SLC17A8: variants seen among roughly 807,000 people sequenced by gnomAD.
SLC17A8 encodes vesicular glutamate transporter 3.
A neutral mutation model predicts 58.0 loss-of-function variants in SLC17A8; 31 were observed. The ratio of observed to expected loss-of-function variants is 0.53; its 90% CI spans 0.40 to 0.72. The LOEUF (loss-of-function observed/expected upper bound fraction) is 0.72. Among genes scored for constraint, SLC17A8 ranks in the 30% least tolerant of loss-of-function variants. The pLI is 0.00. For synonymous variants in SLC17A8, 228 were observed against 249.0 expected (o/e 0.92, Z 0.79); for missense variants, 655 against 727.8 (o/e 0.90, Z 1.15).
intron 4 of SLC17A8, among the ~76,000 whole-genome samples, chr12:100,395,975 G>C (rs117389039): frequency 6.6e-6 from 1 of 152,208 alleles, no homozygotes; most frequent in African/African-American, 2.4e-5. Context: ...CTGGCAGATC[G>C]GTGACTTGGG....
chr12:100,373,653 C>T (rs745764477), intron 1 of SLC17A8, among the ~76,000 whole-genome samples: 7 of 147,324 alleles, frequency 4.8e-5, no homozygotes, highest in East Asian at 2.0e-4. Context: ...GGCACCATCT[C>T]GGCTCACTGC....
chr12:100,371,867 T>G (rs1477496669), intron 1 of SLC17A8, among the ~76,000 whole-genome samples: 2 of 152,158 alleles, frequency 1.3e-5, no homozygotes, highest in Admixed American at 6.5e-5. Context: ...TTTTAAATAT[T>G]CTGAGTGTCT....
chr12:100,364,654 C>T (rs1234854038), intron 1 of SLC17A8, among the ~76,000 whole-genome samples: 1 of 152,222 alleles, frequency 6.6e-6, no homozygotes, highest in Non-Finnish European at 1.5e-5. Context: ...AGAGCTCATA[C>T]TAGGCATCCA....
At chr12:100,402,796 T>A in intron 8 of SLC17A8, 51 bp downstream of exon 8, 2 of 1,531,972 alleles carry the variant, frequency 1.3e-6, no homozygotes, top group Non-Finnish European at 1.8e-6. Context: ...CTCTTGATTC[T>A]ACAGAGAATA....
At chr12:100,390,925 G>T in intron 2 of SLC17A8, 76 bp from the exon 3 acceptor site, 1 of 926,544 alleles carries the variant, frequency 1.1e-6, no homozygotes, top group Non-Finnish European at 1.8e-6. Context: ...GGTAATTATT[G>T]TGTAGGCTCA....
chr12:100,362,196 T>G (rs1389032148), intron 1 of SLC17A8, among the ~76,000 whole-genome samples: 1 of 151,874 alleles, frequency 6.6e-6, no homozygotes, highest in African/African-American at 2.4e-5. Context: ...CAGTGGGAAG[T>G]TCTCCAGGGT....
At chr12:100,359,896 T>C (rs1176307924) in intron 1 of SLC17A8, among the ~76,000 whole-genome samples, 1 of 152,242 alleles carries the variant, frequency 6.6e-6, no homozygotes, top group East Asian at 1.9e-4. Context: ...TTCTGTTTTG[T>C]AGGAGCTTTT....
Position 100,390,550 on chromosome 12 carries a change from G to A in SLC17A8, c.355-451G>A, listed in dbSNP as rs1364415506. On this transcript the variant is annotated intron_variant, in intron 2 of 11. Transcript: ENST00000323346. ...TTTTTAGTAGAGATGGGGTTTCACC[G>A]TGTTAGCCAGGATGGTCTGGATCTC... Among the ~76,000 whole-genome samples, 4 of 151,708 alleles carry A rather than the reference G, an allele frequency of 2.6e-5. No homozygotes were observed. The East Asian group carries it at 5.9e-4, about 22-fold the overall frequency.
At position 100,401,850 on chromosome 12, in the gene SLC17A8, CTT is replaced by C; in HGVS notation, c.753_754del (p.Phe251LeufsTer20). 6.2e-7 allele frequency: 1 copy of C among 1,613,516 alleles called. No individual in the cohort carries two copies. Among genetic ancestry groups the C allele is most frequent in the Non-Finnish European group, 8.5e-7 (1 of 1,179,584 alleles). ...LVQYIGWSSV[F>X]YIYGMFGIIW... is the part of the protein sequence containing the mutation. ...TGCAGTACATTGGATGGTCCTCTGT[CTT>C]TTATATTTATGGTGAGTGATTTGAC... On this transcript the variant is annotated frameshift_variant, in exon 6 of 12. Coordinates refer to ENST00000323346, the MANE Select transcript of SLC17A8 (RefSeq NM_139319.3). LOFTEE classifies it high-confidence loss of function.
At chr12:100,367,255 G>A (rs534340538) in intron 1 of SLC17A8, among the ~76,000 whole-genome samples, 1 of 152,078 alleles carries the variant, frequency 6.6e-6, no homozygotes, top group Non-Finnish European at 1.5e-5. Context: ...GATCAAGAGT[G>A]TGATCAACAT....
Position 100,420,143 on chromosome 12 carries a change from T to TCTCAACTATA in SLC17A8, c.1755_1764dup (p.Ser589LeufsTer79). On this transcript the variant is annotated frameshift_variant, in exon 12 of 12. Transcript: ENST00000323346. LOFTEE classifies it high-confidence loss of function. ...TCCTACCAGAATGAAGAGAGAAACTTCTCAACTATATCCTAATGTCTGAGA... is the reference window on the plus strand; with the variant it reads ...TCCTACCAGAATGAAGAGAGAAACTTCTCAACTATACTCAACTATATCCTAATGTCTGAGA... The TCTCAACTATA allele has an allele frequency of 6.2e-7, 1 of 1,612,974 alleles. No individual in the cohort carries two copies. Among genetic ancestry groups the TCTCAACTATA allele is most frequent in the Non-Finnish European group, 8.5e-7 (1 of 1,179,482 alleles).
intron 1 of SLC17A8, among the ~76,000 whole-genome samples, chr12:100,367,971 A>G (rs1054806534): frequency 1.3e-5 from 2 of 152,230 alleles, no homozygotes; most frequent in Admixed American, 6.5e-5. Context: ...TACTCTGGAC[A>G]TATCTATTTT....
chr12:100,381,075 T>A, intron 2 of SLC17A8, 122 bp downstream of exon 2: 2 of 1,094,126 alleles, frequency 1.8e-6, no homozygotes, highest in South Asian at 1.3e-5. Flanking sequence ...AGGTTGAAAT[T>A]AACCTCCCAT....
chr12:100,391,737 G>A (rs1952718451), intron 3 of SLC17A8, among the ~76,000 whole-genome samples: 1 of 152,084 alleles, frequency 6.6e-6, no homozygotes, highest in African/African-American at 2.4e-5. Context: ...CTGGATCACT[G>A]GGTGACCTCT....
intron 10 of SLC17A8, among the ~76,000 whole-genome samples, chr12:100,415,678 C>T (rs1226329448): frequency 6.6e-6 from 1 of 152,178 alleles, no homozygotes; most frequent in East Asian, 1.9e-4. Context: ...GATTCTCCTG[C>T]CTTGGCCTCT....
At position 100,395,620 on chromosome 12, in the gene SLC17A8, T is replaced by TG. The variant is rs535794372; in HGVS notation, c.589-708dup. On this transcript the variant is annotated intron_variant, in intron 4 of 11. Coordinates refer to ENST00000323346, the MANE Select transcript of SLC17A8 (RefSeq NM_139319.3). Reference sequence around the variant, plus strand: ...GATTACAAGCATAAGCCACTGTGCCTGGCCTTTTTTTTTTTTCAGTCTCGC... The same window carrying TG: ...GATTACAAGCATAAGCCACTGTGCCTGGGCCTTTTTTTTTTTTCAGTCTCGC... 1.5e-3 allele frequency among the ~76,000 whole-genome samples: 229 copies of TG among 151,432 alleles called. 2 individuals are homozygous for TG. Among genetic ancestry groups the TG allele is most frequent in the African/African-American group, 5.4e-3 (223 of 41,116 alleles).
rs367903812 is a variant in SLC17A8, at chr12:100,419,973, A to C, written c.1584A>C (p.Leu528Phe). ...GTGGAATCATTGACCAGGACGAATT[A>C]GCTGAGGAGATAGAACTCAACCATG... ...EKCGIIDQDELAEEIELNHES... is the reference protein window; with the variant it reads ...EKCGIIDQDEFAEEIELNHES... Residue 528 changes from leucine to phenylalanine, a missense_variant, in exon 12 of 12, where the codon TTA becomes TTC. By Grantham distance (22) the Leu-to-Phe change is conservative (BLOSUM62 0). Transcript: ENST00000323346. The C allele has an allele frequency of 1.9e-6, 3 of 1,614,056 alleles. No homozygotes were observed. The African/African-American group carries it at 4.0e-5, about 22-fold the overall frequency.
chr12:100,404,932 G>A (rs1952816508), intron 9 of SLC17A8, among the ~76,000 whole-genome samples: 1 of 152,234 alleles, frequency 6.6e-6, no homozygotes, highest in South Asian at 2.1e-4. Context: ...TACCCCTCTG[G>A]AGGACTAGTC....
chr12:100,370,664 TAAAC>T (rs1039641798), intron 1 of SLC17A8, among the ~76,000 whole-genome samples: 2 of 142,814 alleles, frequency 1.4e-5, no homozygotes, highest in African/African-American at 5.2e-5. Flanking sequence ...TTATACCAGA[TAAAC>T]AAAACATGGC....
Sources: gnomAD v4.1 joint callset for allele counts (sites outside exome capture counted in the v4.1 genomes callset) on GRCh38, gnomAD v4.1.1 for gene constraint, MANE v1.5 for transcripts, NCBI Gene and HGNC (gene_info 2026-07-23, HGNC 2026-07-21) for gene names.